Variants in DDI2 observed in about 807,000 individuals in gnomAD.
The protein encoded by DDI2 is protein DDI1 homolog 2.
DDI2 carries 5 observed loss-of-function variants against 48.1 expected under a neutral mutation model. The observed-to-expected ratio is 0.10, with a 90% CI of 0.05 to 0.22. DDI2 has a LOEUF of 0.22. Among genes scored for constraint, DDI2 ranks in the 10% least tolerant of loss-of-function variants. The pLI, the probability that DDI2 is intolerant of heterozygous loss-of-function variation, is 1.00. For missense variants in DDI2, 285 were observed against 506.2 expected (o/e 0.56, Z 4.19); for synonymous variants, 205 against 183.6 (o/e 1.12, Z -0.94).
intron 6 of DDI2, among the ~76,000 whole-genome samples, chr1:15,644,794 C>T (rs899197676): frequency 7.2e-5 from 11 of 151,882 alleles, no homozygotes; most frequent in Admixed American, 4.6e-4. Flanking sequence ...GGGGTTTCAC[C>T]GTGTTAGCCA....
chr1:15,619,397 A>G (rs1292680081), intron 1 of DDI2, among the ~76,000 whole-genome samples: 3 of 151,206 alleles, frequency 2.0e-5, no homozygotes, highest in Admixed American at 2.0e-4. Context: ...AAATGCTGCG[A>G]TTACAGGTGT....
intron 7 of DDI2, among the ~76,000 whole-genome samples, chr1:15,650,231 G>A (rs1381416383): frequency 2.6e-5 from 4 of 152,232 alleles, no homozygotes; most frequent in African/African-American, 9.6e-5. Context: ...GAAGGTATAT[G>A]TTGGGAGTGA....
chr1:15,652,058 C>CTTT (rs772990709), intron 8 of DDI2, among the ~76,000 whole-genome samples, 163 bp downstream of exon 8: 960 of 75,924 alleles, frequency 0.013, 67 homozygotes, highest in African/African-American at 0.048. Context: ...TTTGATCTTC[C>CTTT]TTTTTTTTTT....
intron 6 of DDI2, among the ~76,000 whole-genome samples, chr1:15,646,441 C>G (rs558051823): frequency 3.7e-4 from 56 of 152,312 alleles, no homozygotes; most frequent in African/African-American, 1.3e-3. Context: ...AATCCCAGCA[C>G]TTTGGGACCC....
At chr1:15,623,003 A>G (rs1639694186) in intron 1 of DDI2, among the ~76,000 whole-genome samples, 1 of 152,158 alleles carries the variant, frequency 6.6e-6, no homozygotes, top group Non-Finnish European at 1.5e-5. Flanking sequence ...AGACATGCTC[A>G]ATGTGGTGGT....
intron 1 of DDI2, among the ~76,000 whole-genome samples, chr1:15,624,971 T>C (rs1639730211): frequency 6.6e-6 from 1 of 152,142 alleles, no homozygotes; most frequent in South Asian, 2.1e-4. Flanking sequence ...TGCATAAAAC[T>C]TGTATAATTG....
Position 15,660,769 on chromosome 1 carries a change from T to C in DDI2, c.*979T>C. 6.2e-7 allele frequency: 1 copy of C among 1,613,942 alleles called. No homozygotes were observed. The highest frequency in any genetic ancestry group is 8.5e-7 in the Non-Finnish European group (1 of 1,179,996). On this transcript the variant is annotated 3_prime_UTR_variant, in exon 10 of 10. Coordinates refer to ENST00000480945, the MANE Select transcript of DDI2 (RefSeq NM_032341.5). ...AAAATGTAACCCTTCATCTGAAATTTTGAATGATTCCATTTCCACTCAGGA... is the reference window on the plus strand; with the variant it reads ...AAAATGTAACCCTTCATCTGAAATTCTGAATGATTCCATTTCCACTCAGGA...
intron 8 of DDI2, among the ~76,000 whole-genome samples, chr1:15,653,197 G>C (rs1236161058): frequency 1.3e-5 from 2 of 152,018 alleles, no homozygotes; most frequent in Non-Finnish European, 2.9e-5. Context: ...ACAGTAAGCA[G>C]ATGTTAACTT....
chr1:15,667,566 A>G lies in DDI2; in HGVS notation c.*7776A>G, dbSNP rs1043077478. The G allele has an allele frequency of 3.3e-5, 5 of 152,278 alleles. No homozygotes were observed. The highest frequency in any genetic ancestry group is 7.3e-5 in the Non-Finnish European group (5 of 68,072). The allele number at this position is 152,278 out of a possible 1,614,324, so 9.4% of individuals were successfully genotyped here. On this transcript the variant is annotated 3_prime_UTR_variant, in exon 10 of 10. Transcript: ENST00000480945. Reference sequence around the variant, plus strand: ...TAAAGCAGCTGGGTGCAACTTGTGAAAACGGGAATCTAGAGCAGAACATGT... The same window carrying G: ...TAAAGCAGCTGGGTGCAACTTGTGAGAACGGGAATCTAGAGCAGAACATGT...
rs141016530 is a variant in DDI2, at chr1:15,656,859, A to G, written c.*46+180A>G. 501 of 760,638 alleles carry G rather than the reference A, an allele frequency of 6.6e-4. 5 individuals carry two copies. The African/African-American group carries it at 8.2e-3, about 12-fold the overall frequency. 47.1% of individuals were successfully genotyped at this position (760,638 alleles called of 1,614,324 possible). ...ATGCATACATGGATATGTAACATAAACTCCTGTTTAAAAATGGATTCGTTA... is the reference window on the plus strand; with the variant it reads ...ATGCATACATGGATATGTAACATAAGCTCCTGTTTAAAAATGGATTCGTTA... On this transcript the variant is annotated intron_variant, in intron 9 of 9. Transcript: ENST00000480945.
Position 15,643,587 on chromosome 1 carries a change from C to A in DDI2, c.826C>A (p.Arg276Ser). 1 of 1,614,046 alleles carries A rather than the reference C, an allele frequency of 6.2e-7. No individual in the cohort carries two copies. The highest frequency in any genetic ancestry group is 8.5e-7 in the Non-Finnish European group (1 of 1,180,018). ...ERCNIMRLVD[R>S]RWAGIAKGVG... is the part of the protein sequence containing the mutation. ...GTGTAACATAATGAGACTGGTGGAC[C>A]GTCGGTGGGCAGGGATTGCCAAAGG... Residue 276 changes from arginine to serine, a missense_variant, in exon 6 of 10, where the codon CGT (arginine) becomes AGT (serine). This residue lies in a region of DDI2 where 70 missense variants were observed against 182.3 expected (regional missense o/e 0.38). Transcript: ENST00000480945.
At chr1:15,634,521 ACTT>A (rs200016298) in intron 4 of DDI2, among the ~76,000 whole-genome samples, 1,073 of 106,720 alleles carry the variant, frequency 0.01, 11 homozygotes, top group African/African-American at 0.041. Flanking sequence ...GCTTTTTTAA[ACTT>A]CTTATTCTTT....
At chr1:15,629,951 TG>T (rs1176928008) in intron 2 of DDI2, among the ~76,000 whole-genome samples, 3 of 152,080 alleles carry the variant, frequency 2.0e-5, no homozygotes, top group Admixed American at 2.0e-4. Flanking sequence ...AGGCTGGTCT[TG>T]AACTTCTGAC....
chr1:15,649,607 G>A, intron 6 of DDI2, 113 bp from the exon 7 acceptor site: 1 of 963,158 alleles, frequency 1.0e-6, no homozygotes, highest in Non-Finnish European at 1.5e-6. Flanking sequence ...GGAGGCAGAG[G>A]TTGCCATCAG....
chr1:15,627,892 C>A (rs1193470852), intron 2 of DDI2, among the ~76,000 whole-genome samples: 2 of 152,114 alleles, frequency 1.3e-5, no homozygotes, highest in Non-Finnish European at 2.9e-5. Flanking sequence ...AGGACCGGCT[C>A]CACCAGATCT....
Position 15,651,909 on chromosome 1 carries a change from C to T in DDI2, c.1183+14C>T, listed in dbSNP as rs1216013089. On this transcript the variant is annotated intron_variant, in intron 8 of 9. Coordinates refer to ENST00000480945, the MANE Select transcript of DDI2 (RefSeq NM_032341.5). ...CAGAGGATGCAGGTATTTGGGATGG[C>T]CAAACTCTTCAATACTTGTTATTGA... 2 of 1,610,280 alleles carry T rather than the reference C, an allele frequency of 1.2e-6. No homozygotes were observed. Among genetic ancestry groups the T allele is most frequent in the South Asian group, 1.1e-5 (1 of 90,546 alleles).
chr1:15,656,413 A>T, intron 8 of DDI2: 1 of 1,421,270 alleles, frequency 7.0e-7, no homozygotes, highest in Non-Finnish European at 9.2e-7. Flanking sequence ...ATCTGTTGAA[A>T]TTAACAGATT....
At chr1:15,617,940 C>A in intron 1 of DDI2, 132 bp downstream of exon 1, 1 of 1,312,394 alleles carries the variant, frequency 7.6e-7, no homozygotes, top group South Asian at 1.7e-5. Context: ...CAGGTCACCC[C>A]CGCATCCGGA....
rs369246208 is a variant in DDI2, at chr1:15,649,835, C to G, written c.993+12C>G. 227 of 1,599,772 alleles carry G rather than the reference C, an allele frequency of 1.4e-4. No individual in the cohort carries two copies. Among genetic ancestry groups the G allele is most frequent in the Non-Finnish European group, 1.8e-4 (214 of 1,175,368 alleles). On this transcript the variant is annotated intron_variant, in intron 7 of 9. Transcript: ENST00000480945. ...TTAAACGGCACCAGGTAATTAAGAG[C>G]TTCACTTATTTTTTTTGCATCTGCT...
Sources: gnomAD v4.1 joint callset for allele counts (sites outside exome capture counted in the v4.1 genomes callset) on GRCh38, gnomAD v4.1.1 for gene constraint, gnomAD v4.1.1 regional missense constraint, MANE v1.5 for transcripts, NCBI Gene and HGNC (gene_info 2026-07-23, HGNC 2026-07-21) for gene names.